KIFC3: variants seen among roughly 807,000 people sequenced by gnomAD.
KIFC3 encodes kinesin family member C3.
In KIFC3, 60 loss-of-function variants were observed where a neutral mutation model predicts 101.8. That is an observed-to-expected ratio of 0.59 (90% CI 0.48 to 0.73). KIFC3 has a LOEUF of 0.73. KIFC3 is among the 30% of genes least tolerant of loss of function. KIFC3 has a pLI of 0.00. For synonymous variants in KIFC3, 476 were observed against 482.7 expected (o/e 0.99, Z 0.18); for missense variants, 966 against 1,137.1 (o/e 0.85, Z 2.16).
intron 10 of KIFC3, 83 bp downstream of exon 10, chr16:57,766,791 G>A (rs1372275730): frequency 2.3e-6 from 2 of 852,490 alleles, no homozygotes; most frequent in Non-Finnish European, 3.8e-6. Flanking sequence ...GTGCCTCAAT[G>A]GTGGGGTGAG....
In KIFC3 at chr16:57,844,349, G is replaced by A. The variant is rs568381828; in HGVS notation, c.108+18380C>T. 9.4e-4 allele frequency among the ~76,000 whole-genome samples: 138 copies of A among 146,890 alleles called. 1 individual carries two copies. The highest frequency in any genetic ancestry group is 3.5e-3 in the Middle Eastern group (1 of 286). ...GGAGGGTGAGGCAGGAAAATTGCTT[G>A]AACCCGGGAGGCGGAGGTTGCAGTG... On this transcript the variant is annotated intron_variant, in intron 1 of 2. Transcript: ENST00000563028.
At chr16:57,825,290 C>T (rs557086861) in intron 1 of KIFC3, among the ~76,000 whole-genome samples, 1 of 152,364 alleles carries the variant, frequency 6.6e-6, no homozygotes, top group Non-Finnish European at 1.5e-5. Flanking sequence ...TGTCCCTCCC[C>T]AACAAATGCC....
chr16:57,771,725 G>A, intron 4 of KIFC3, 39 bp from the exon 5 acceptor site: 2 of 1,585,338 alleles, frequency 1.3e-6, no homozygotes, highest in African/African-American at 2.7e-5. Flanking sequence ...ATGTGGCGAG[G>A]GCAGATGACG....
chr16:57,834,010 G>A (rs958565833), intron 1 of KIFC3, among the ~76,000 whole-genome samples: 1 of 151,424 alleles, frequency 6.6e-6, no homozygotes, highest in African/African-American at 2.4e-5. Flanking sequence ...TTACAGGCGC[G>A]TGCCACCACG....
chr16:57,805,639 A>T (rs972700853), upstream of KIFC3, among the ~76,000 whole-genome samples: 1 of 150,896 alleles, frequency 6.6e-6, no homozygotes, highest in Non-Finnish European at 1.5e-5. Context: ...TGTTCAGACA[A>T]GATCAGGTGT....
intron 3 of KIFC3, chr16:57,779,602 G>A (rs2052490043): frequency 6.6e-6 from 1 of 152,206 alleles, no homozygotes; most frequent in Non-Finnish European, 1.5e-5. Context: ...TGGATCACTT[G>A]AGGTCAGGAG....
At chr16:57,823,555 A>C (rs4784864) in intron 1 of KIFC3, among the ~76,000 whole-genome samples, 23,280 of 152,144 alleles carry the variant, frequency 0.15, 2,693 homozygotes, top group African/African-American at 0.29. Flanking sequence ...ACATACAGTG[A>C]AGTATTCAAG....
chr16:57,828,778 G>A (rs2055512736), intron 1 of KIFC3, among the ~76,000 whole-genome samples: 1 of 152,076 alleles, frequency 6.6e-6, no homozygotes, highest in Non-Finnish European at 1.5e-5. Context: ...GAGGCACTCA[G>A]CCCCTCTCCA....
intron 1 of KIFC3, among the ~76,000 whole-genome samples, chr16:57,808,284 A>G (rs1236699631): frequency 6.6e-6 from 1 of 152,182 alleles, no homozygotes; most frequent in Admixed American, 6.5e-5. Flanking sequence ...ATTTAGCAAT[A>G]ACCGCCCTGA....
At chr16:57,796,481 C>G (rs1482562973) in intron 2 of KIFC3, among the ~76,000 whole-genome samples, 1 of 152,210 alleles carries the variant, frequency 6.6e-6, no homozygotes, top group Non-Finnish European at 1.5e-5. Context: ...ATCCCATGTG[C>G]TAATCAACCC....
intron 1 of KIFC3, among the ~76,000 whole-genome samples, chr16:57,814,808 G>C (rs1352775428): frequency 1.3e-5 from 2 of 152,138 alleles, no homozygotes; most frequent in Admixed American, 1.3e-4. Flanking sequence ...TTTTAGTAGA[G>C]ATGGTGTTTC....
At chr16:57,790,524 C>T (rs1017102205) in intron 3 of KIFC3, among the ~76,000 whole-genome samples, 7 of 151,970 alleles carry the variant, frequency 4.6e-5, no homozygotes, top group Admixed American at 2.0e-4. Context: ...AAAATAAACA[C>T]GTAGTCTAGA....
intron 1 of KIFC3, among the ~76,000 whole-genome samples, chr16:57,824,482 T>C (rs528129135): frequency 2.8e-4 from 43 of 152,220 alleles, no homozygotes; most frequent in African/African-American, 1.0e-3. Context: ...CAGGAGTTCA[T>C]AACCAGCCTG....
intron 1 of KIFC3, among the ~76,000 whole-genome samples, chr16:57,822,068 C>T (rs1339372291): frequency 6.6e-6 from 1 of 152,076 alleles, no homozygotes; most frequent in Non-Finnish European, 1.5e-5. Context: ...GAGTGAGACC[C>T]TGTCTCAAAA....
intron 3 of KIFC3, among the ~76,000 whole-genome samples, chr16:57,786,424 G>A (rs947644965): frequency 6.6e-5 from 10 of 152,066 alleles, no homozygotes; most frequent in African/African-American, 2.2e-4. Flanking sequence ...CTGTGCACGG[G>A]GCCTGGGATG....
In KIFC3 at chr16:57,854,971, G is replaced by C. The variant is rs138140268; in HGVS notation, c.108+7758C>G. ...ACAGTGGCTGACACCCGTAATCCCA[G>C]CACTTTGGGAAGTCAAGGCGGGAGA... On this transcript the variant is annotated intron_variant, in intron 1 of 2. Transcript: ENST00000563028. Among the ~76,000 whole-genome samples, 709 of 152,260 alleles carry C rather than the reference G, an allele frequency of 4.7e-3. 5 individuals are homozygous for C. Among genetic ancestry groups the C allele is most frequent in the African/African-American group, 0.016 (669 of 41,564 alleles).
At chr16:57,764,302 CA>C in intron 11 of KIFC3, 55 bp from the exon 12 acceptor site, 1 of 1,115,676 alleles carries the variant, frequency 9.0e-7, no homozygotes, top group Admixed American at 2.0e-5. Flanking sequence ...CCGCTGGGAC[CA>C]CCAGCTACAA....
At chr16:57,795,618 T>C (rs1414642192) in intron 2 of KIFC3, among the ~76,000 whole-genome samples, 1 of 152,170 alleles carries the variant, frequency 6.6e-6, no homozygotes, top group African/African-American at 2.4e-5. Flanking sequence ...TCCCCAAGCG[T>C]ATTCAGAACC....
Position 57,786,200 on chromosome 16 carries a change from G to T in KIFC3, c.315+8799C>A, listed in dbSNP as rs114174626. 1.2e-3 allele frequency among the ~76,000 whole-genome samples: 178 copies of T among 152,238 alleles called. 1 individual carries two copies. The highest frequency in any genetic ancestry group is 4.0e-3 in the African/African-American group (167 of 41,542). On this transcript the variant is annotated intron_variant, in intron 3 of 19. Coordinates refer to ENST00000445690, the MANE Select transcript of KIFC3 (RefSeq NM_001130100.2). ...AGGGACAGACAGACCAGGACACAAAGCCAGCCCCACACATGGAGCAAGAAC... is the reference window on the plus strand; with the variant it reads ...AGGGACAGACAGACCAGGACACAAATCCAGCCCCACACATGGAGCAAGAAC...
Sources: gnomAD v4.1 joint callset for allele counts (sites outside exome capture counted in the v4.1 genomes callset) on GRCh38, gnomAD v4.1.1 for gene constraint, MANE v1.5 for transcripts, NCBI Gene and HGNC (gene_info 2026-07-23, HGNC 2026-07-21) for gene names.